SNX30: variants seen among roughly 807,000 people sequenced by gnomAD.
SNX30 encodes the protein sorting nexin-30.
In SNX30, 24 loss-of-function variants were observed where a neutral mutation model predicts 46.4. The ratio of observed to expected loss-of-function variants is 0.52; its 90% CI spans 0.37 to 0.73. The LOEUF is 0.73. SNX30 is among the 30% of genes least tolerant of loss of function. The pLI is 0.00. For missense variants in SNX30, 533 were observed against 555.7 expected (o/e 0.96, Z 0.41); for synonymous variants, 189 against 211.5 (o/e 0.89, Z 0.92).
chr9:112,768,668 T>TGAGACGGTCTTGCTC, intron 1 of SNX30, among the ~76,000 whole-genome samples: 1 of 144,694 alleles, frequency 6.9e-6, no homozygotes, highest in African/African-American at 2.6e-5. Context: ...TTTTTTTTTT[T>TGAGACGGTCTTGCTC]TTTTTTTGAG....
At chr9:112,864,910 A>G (rs992096946) in intron 8 of SNX30, among the ~76,000 whole-genome samples, 2 of 152,110 alleles carry the variant, frequency 1.3e-5, no homozygotes, top group Non-Finnish European at 2.9e-5. Flanking sequence ...ATGTAGGATT[A>G]CAAAGGAAAG....
intron 1 of SNX30, among the ~76,000 whole-genome samples, chr9:112,757,571 C>T (rs1839370483): frequency 6.6e-6 from 1 of 152,184 alleles, no homozygotes; most frequent in Non-Finnish European, 1.5e-5. Flanking sequence ...CTTTAGAAAC[C>T]TCCATACTGT....
chr9:112,768,877 G>C (rs965967860), intron 1 of SNX30, among the ~76,000 whole-genome samples: 1 of 151,806 alleles, frequency 6.6e-6, no homozygotes, highest in African/African-American at 2.4e-5. Context: ...GGCTGGTCTC[G>C]AACTCCCAAC....
At chr9:112,815,039 G>A (rs910493367) in intron 2 of SNX30, among the ~76,000 whole-genome samples, 3 of 152,160 alleles carry the variant, frequency 2.0e-5, no homozygotes, top group Non-Finnish European at 4.4e-5. Flanking sequence ...GAATGAATAT[G>A]CGTAGAAAAA....
intron 1 of SNX30, among the ~76,000 whole-genome samples, chr9:112,795,580 C>T (rs556597141): frequency 3.3e-5 from 5 of 152,110 alleles, no homozygotes; most frequent in Non-Finnish European, 7.4e-5. Context: ...CTCCCTCACT[C>T]CCAACAACTG....
intron 1 of SNX30, among the ~76,000 whole-genome samples, chr9:112,767,327 T>C (rs1301355275): frequency 6.6e-6 from 1 of 152,186 alleles, no homozygotes. Flanking sequence ...GTTTATATAT[T>C]CTTAGTATTA....
chr9:112,853,689 T>C (rs1319370527), intron 7 of SNX30, among the ~76,000 whole-genome samples: 1 of 152,054 alleles, frequency 6.6e-6, no homozygotes, highest in African/African-American at 2.4e-5. Flanking sequence ...AAACAGAGAG[T>C]AGAACGGTGG....
At chr9:112,846,771 A>G (rs138021306) in intron 6 of SNX30, among the ~76,000 whole-genome samples, 5 of 151,990 alleles carry the variant, frequency 3.3e-5, no homozygotes, top group South Asian at 2.1e-4. Context: ...CCTGCATCCT[A>G]GCTCCCCTCT....
rs776067998 is a variant in SNX30 at position 112,864,338 on chromosome 9, G to A, written c.1193G>A (p.Arg398Lys). 2.7e-5 allele frequency: 44 copies of A among 1,614,078 alleles called. No individual in the cohort carries two copies. Among genetic ancestry groups the A allele is most frequent in the Non-Finnish European group, 3.6e-5 (43 of 1,180,048 alleles). ...ADMERWQNNK[R>K]QDFRQLLMGM... ...ATGGAGAGGTGGCAGAACAACAAGA[G>A]GCAGGACTTCCGGCAGCTACTCATG... is the stretch of plus-strand genomic sequence containing the variant. The change falls in exon 8 of 9, where the codon AGG (arginine) becomes AAG (lysine). Residue 398 changes from arginine (R) to lysine (K), a missense_variant. Around this residue, in one of 3 missense-constraint regions of SNX30, gnomAD observed 261 missense variants for 270.9 expected, o/e 0.96. Transcript: ENST00000374232.
rs1841502395 is a variant in SNX30, at chr9:112,874,978, G to A, written c.*6135G>A. 6.6e-6 allele frequency: 1 copy of A among 152,140 alleles called. No individual in the cohort carries two copies. Among genetic ancestry groups the A allele is most frequent in the Admixed American group, 6.5e-5 (1 of 15,278 alleles). The allele number at this position is 152,140 out of a possible 1,614,324, so 9.4% of individuals were successfully genotyped here. A position where few individuals can be genotyped will look rare whatever the true frequency, so the allele number is the denominator to read the frequency against. On this transcript the variant is annotated 3_prime_UTR_variant, in exon 9 of 9. Coordinates refer to ENST00000374232, the MANE Select transcript of SNX30 (RefSeq NM_001012994.2). ...AAGGACCAATAAACCCATAAAAGAT[G>A]CTTTCTTTATCTGGAGTCATGTCCT...
At chr9:112,820,892 C>T (rs1241120889) in intron 3 of SNX30, among the ~76,000 whole-genome samples, 2 of 152,054 alleles carry the variant, frequency 1.3e-5, no homozygotes, top group East Asian at 3.9e-4. Flanking sequence ...ATATAATATT[C>T]TAGTTTATGG....
In SNX30 at chr9:112,881,268, A is replaced by G. The variant is rs114566286; in HGVS notation, n.3825-160A>G. Among the ~76,000 whole-genome samples, 1,179 of 152,286 alleles carry G rather than the reference A, an allele frequency of 7.7e-3. 21 individuals carry two copies. The highest frequency in any genetic ancestry group is 0.027 in the African/African-American group (1,138 of 41,552). ...CAGCGCAGCACTTCTTGATGGATGA[A>G]CAACACCTGGAGTTGCTAAAATGGG... On this transcript the variant is annotated intron_variant and non_coding_transcript_variant, in intron 5 of 5. Coordinates refer to the SNX30 transcript ENST00000604751.
chr9:112,855,647 T>C (rs1841112630), intron 7 of SNX30, among the ~76,000 whole-genome samples: 1 of 152,064 alleles, frequency 6.6e-6, no homozygotes, highest in South Asian at 2.1e-4. Flanking sequence ...TGCGGAGGCC[T>C]CTGGAGCTGG....
chr9:112,839,581 A>G (rs1840822199), intron 6 of SNX30, among the ~76,000 whole-genome samples: 1 of 152,204 alleles, frequency 6.6e-6, no homozygotes, highest in Non-Finnish European at 1.5e-5. Flanking sequence ...GCCTGCACAT[A>G]GACTGGTTGG....
chr9:112,871,551 T>C lies in SNX30; in HGVS notation c.*2708T>C, dbSNP rs1228517787. Reference sequence around the variant, plus strand: ...TGTGGCCCTGAGATCAGTACTCCTCTCTTAAGTATTTATTATTATTATTAT... The same window carrying C: ...TGTGGCCCTGAGATCAGTACTCCTCCCTTAAGTATTTATTATTATTATTAT... On this transcript the variant is annotated 3_prime_UTR_variant, in exon 9 of 9. Coordinates refer to ENST00000374232, the MANE Select transcript of SNX30 (RefSeq NM_001012994.2). 6.6e-6 allele frequency: 1 copy of C among 152,018 alleles called. No homozygotes were observed. The highest frequency in any genetic ancestry group is 6.6e-5 in the Admixed American group (1 of 15,258). 9.4% of individuals were successfully genotyped at this position (152,018 alleles called of 1,614,324 possible).
intron 7 of SNX30, among the ~76,000 whole-genome samples, chr9:112,853,969 C>T (rs184356216): frequency 9.2e-5 from 14 of 152,332 alleles, no homozygotes; most frequent in African/African-American, 2.9e-4. Context: ...CCAACAAGTT[C>T]TGCCACTGGC....
intron 1 of SNX30, among the ~76,000 whole-genome samples, chr9:112,787,216 A>C (rs1043558012): frequency 6.6e-6 from 1 of 152,230 alleles, no homozygotes; most frequent in African/African-American, 2.4e-5. Context: ...CTTTGTGGTG[A>C]GATGCAGATC....
chr9:112,823,744 T>C (rs1840540532), intron 3 of SNX30, among the ~76,000 whole-genome samples: 1 of 152,138 alleles, frequency 6.6e-6, no homozygotes. Flanking sequence ...TATGAAATAA[T>C]AAAAACTCCA....
At chr9:112,867,136 C>T (rs891771283) in intron 8 of SNX30, among the ~76,000 whole-genome samples, 1 of 125,584 alleles carries the variant, frequency 8.0e-6, no homozygotes, top group Admixed American at 8.2e-5. Context: ...TCCCCACCCC[C>T]TCGGAACTCC....
Sources: gnomAD v4.1 joint callset for allele counts (sites outside exome capture counted in the v4.1 genomes callset) on GRCh38, gnomAD v4.1.1 for gene constraint, gnomAD v4.1.1 regional missense constraint, MANE v1.5 for transcripts, NCBI Gene and HGNC (gene_info 2026-07-23, HGNC 2026-07-21) for gene names.